ROBO1: variants seen among roughly 807,000 people sequenced by gnomAD.
The protein encoded by ROBO1 is roundabout guidance receptor 1, also known as roundabout homolog 1.
ROBO1 carries 149 observed loss-of-function variants against 195.9 expected under a neutral mutation model. The observed-to-expected ratio is 0.76, with a 90% CI of 0.67 to 0.87. ROBO1 has a LOEUF of 0.87. ROBO1 is among the 40% of genes least tolerant of loss of function. The pLI, the probability that ROBO1 is intolerant of heterozygous loss-of-function variation, is 0.00. For missense variants in ROBO1, 1,933 were observed against 2,068.3 expected, an observed-to-expected ratio of 0.93 and a Z score of 1.27; for synonymous variants, 816 against 733.2, an observed-to-expected ratio of 1.11 and a Z score of -1.82.
At chr3:78,724,256 C>T (rs1008541305) in intron 5 of ROBO1, among the ~76,000 whole-genome samples, 1 of 152,030 alleles carries the variant, frequency 6.6e-6, no homozygotes, top group African/African-American at 2.4e-5. Context: ...CTACTCTCAA[C>T]GGTCACAAAT....
At chr3:78,626,747 GCACACACATACACACACACACA>G (rs1254275794) in intron 26 of ROBO1, among the ~76,000 whole-genome samples, 1 of 125,956 alleles carries the variant, frequency 7.9e-6, no homozygotes, top group Non-Finnish European at 1.6e-5. Context: ...GCACACACAA[GCACACACATACACACACACACA>G]CACACACACA....
chr3:79,163,939 C>T (rs2081017564), intron 2 of ROBO1, among the ~76,000 whole-genome samples: 1 of 152,028 alleles, frequency 6.6e-6, no homozygotes, highest in South Asian at 2.1e-4. Context: ...TTACAAATGG[C>T]ATTAGTATGG....
At chr3:79,112,732 G>A (rs1291280932) in intron 3 of ROBO1, among the ~76,000 whole-genome samples, 1 of 148,792 alleles carries the variant, frequency 6.7e-6, no homozygotes, top group Non-Finnish European at 1.5e-5. Context: ...ATAGGAAGGG[G>A]AACATCACAC....
chr3:79,532,953 A>G (rs962512462), intron 2 of ROBO1: 8 of 267,682 alleles, frequency 3.0e-5, no homozygotes, highest in Non-Finnish European at 6.0e-5. Context: ...TCAATTAGGC[A>G]TTATATGTAA....
chr3:79,695,999 G>A (rs1205500528), intron 1 of ROBO1, among the ~76,000 whole-genome samples: 1 of 151,324 alleles, frequency 6.6e-6, no homozygotes, highest in Non-Finnish European at 1.5e-5. Context: ...AGGGGGTTCT[G>A]TGTTAGAATT....
At chr3:79,298,336 A>AT (rs11438222) in intron 2 of ROBO1, among the ~76,000 whole-genome samples, 16,550 of 150,958 alleles carry the variant, frequency 0.11, 921 homozygotes, top group Middle Eastern at 0.14. Context: ...TCTTTACTGC[A>AT]TTTTTTTTTC....
At chr3:79,706,977 C>T (rs1396551365) in intron 1 of ROBO1, among the ~76,000 whole-genome samples, 3 of 151,452 alleles carry the variant, frequency 2.0e-5, no homozygotes, top group Admixed American at 2.0e-4. Context: ...TTTTCTTGTG[C>T]TATGTTTGGT....
intron 1 of ROBO1, among the ~76,000 whole-genome samples, chr3:79,753,200 C>A (rs1704214225): frequency 6.6e-6 from 1 of 151,974 alleles, no homozygotes; most frequent in African/African-American, 2.4e-5. Context: ...TTCAAACCAC[C>A]TAAATTACTT....
At chr3:78,789,437 T>A (rs932037085) in intron 4 of ROBO1, among the ~76,000 whole-genome samples, 3 of 152,208 alleles carry the variant, frequency 2.0e-5, no homozygotes, top group Non-Finnish European at 2.9e-5. Flanking sequence ...GAATAAAGAA[T>A]AGATTCACTC....
At chr3:79,419,025 AG>A (rs2038116639) in intron 2 of ROBO1, among the ~76,000 whole-genome samples, 1 of 152,136 alleles carries the variant, frequency 6.6e-6, no homozygotes, top group South Asian at 2.1e-4. Flanking sequence ...TGCATTTGCA[AG>A]GCTGTGTCCA....
chr3:79,561,241 G>A lies in ROBO1; in HGVS notation c.88+28583C>T, dbSNP rs540853860. Reference sequence around the variant, plus strand: ...AAGTAGTTTTGAACCAGTTAAAAACGTACACTTTGAGCATATAGAGAGATT... The same window carrying A: ...AAGTAGTTTTGAACCAGTTAAAAACATACACTTTGAGCATATAGAGAGATT... On this transcript the variant is annotated intron_variant, in intron 2 of 30. Transcript: ENST00000464233. Among the ~76,000 whole-genome samples the A allele has an allele frequency of 7.9e-5, 12 of 152,232 alleles. 1 individual carries two copies. The highest frequency in any genetic ancestry group is 2.1e-4 in the South Asian group (1 of 4,832).
intron 1 of ROBO1, among the ~76,000 whole-genome samples, chr3:79,763,531 A>C (rs925928097): frequency 1.3e-5 from 2 of 152,116 alleles, no homozygotes; most frequent in African/African-American, 4.8e-5. Flanking sequence ...CAAATGAAGA[A>C]GATAATTTTG....
intron 4 of ROBO1, among the ~76,000 whole-genome samples, chr3:78,774,833 G>C (rs972752097): frequency 6.6e-6 from 1 of 152,024 alleles, no homozygotes; most frequent in Non-Finnish European, 1.5e-5. Context: ...TGATCTTTTA[G>C]TCACTTTGCT....
At chr3:78,764,678 C>T (rs1316244611) in intron 4 of ROBO1, among the ~76,000 whole-genome samples, 2 of 152,048 alleles carry the variant, frequency 1.3e-5, no homozygotes, top group African/African-American at 4.8e-5. Context: ...AAATTAAGCC[C>T]ATTCCTGTTA....
chr3:79,031,064 G>T (rs1404053026), intron 3 of ROBO1, among the ~76,000 whole-genome samples: 1 of 152,188 alleles, frequency 6.6e-6, no homozygotes, highest in Non-Finnish European at 1.5e-5. Context: ...ATTCAGTAGG[G>T]TAATAAAGGT....
intron 1 of ROBO1, among the ~76,000 whole-genome samples, chr3:79,601,981 T>C (rs1268877073): frequency 6.6e-6 from 1 of 152,022 alleles, no homozygotes; most frequent in East Asian, 1.9e-4. Context: ...TAGCTATTCG[T>C]ATTACAGCAT....
At position 79,388,861 on chromosome 3, in the gene ROBO1, T is replaced by C. The variant is rs139237375; in HGVS notation, c.88+200963A>G. Among the ~76,000 whole-genome samples the C allele has an allele frequency of 3.1e-4, 47 of 152,184 alleles. 1 individual carries two copies. The East Asian group carries it at 7.7e-3, about 25-fold the overall frequency. ...GAGCAACAACAATCCCCAAACCTCA[T>C]GTATGATGGGTATATATTTTGTCCC... On this transcript the variant is annotated intron_variant, in intron 2 of 30. Coordinates refer to ENST00000464233, the MANE Select transcript of ROBO1 (RefSeq NM_002941.4).
intron 3 of ROBO1, among the ~76,000 whole-genome samples, chr3:78,987,074 T>TC (rs928574289): frequency 5.0e-5 from 7 of 139,068 alleles, no homozygotes; most frequent in African/African-American, 1.6e-4. Flanking sequence ...TGTTAACCTC[T>TC]CCCCCCAAAA....
chr3:78,640,023 A>T (rs1306951207), intron 21 of ROBO1, 125 bp from the exon 22 acceptor site: 2 of 816,384 alleles, frequency 2.4e-6, no homozygotes, highest in Non-Finnish European at 3.7e-6. Flanking sequence ...ATGCTGAATG[A>T]CATTATTATC....
Sources: gnomAD v4.1 joint callset for allele counts (sites outside exome capture counted in the v4.1 genomes callset) on GRCh38, gnomAD v4.1.1 for gene constraint, MANE v1.5 for transcripts, NCBI Gene and HGNC (gene_info 2026-07-23, HGNC 2026-07-21) for gene names.